Variants in SIL1 observed in about 807,000 individuals in gnomAD.
SIL1 encodes SIL1 nucleotide exchange factor.
In SIL1, 40 loss-of-function variants were observed where a neutral mutation model predicts 49.1. That is an observed-to-expected ratio of 0.81 (90% CI 0.63 to 1.06). The LOEUF (loss-of-function observed/expected upper bound fraction) is 1.06, where lower values mean the gene tolerates loss of function less well. Among genes scored for constraint, SIL1 ranks in the 50% least tolerant of loss-of-function variants. SIL1 has a pLI of 0.00. For missense variants in SIL1, 500 were observed against 572.6 expected, an observed-to-expected ratio of 0.87 and a Z score of 1.29; for synonymous variants, 253 against 250.8, an observed-to-expected ratio of 1.01 and a Z score of -0.08.
intron 3 of SIL1, among the ~76,000 whole-genome samples, chr5:139,052,275 T>C (rs1468077885): frequency 1.3e-5 from 2 of 152,252 alleles, no homozygotes; most frequent in Admixed American, 6.5e-5. Flanking sequence ...ATGCTGTTGC[T>C]GTTCCTGCCG....
chr5:139,121,161 G>C lies in SIL1; in HGVS notation c.118C>G (p.Leu40Val), dbSNP rs141419143. 6.2e-7 allele frequency: 1 copy of C among 1,614,096 alleles called. No individual in the cohort carries two copies. Among genetic ancestry groups the C allele is most frequent in the East Asian group, 2.2e-5 (1 of 44,868 alleles). The change falls in exon 3 of 10, where the codon CTG becomes GTG. Residue 40 changes from leucine (L) to valine (V), a missense_variant. Leu to Val is a conservative substitution (Grantham distance 32). Transcript: ENST00000394817. The part of the protein sequence containing the change: ...LSHQNLKEFA[L>V]TNPEKSSTKE... Reference sequence around the variant, plus strand: ...GTGCTGCTCTTCTCTGGGTTGGTCAGGGCAAACTCCTTCTGAGAAAAGAAA... The same window carrying C: ...GTGCTGCTCTTCTCTGGGTTGGTCACGGCAAACTCCTTCTGAGAAAAGAAA...
chr5:139,011,954 G>T (rs1344401753), intron 7 of SIL1, among the ~76,000 whole-genome samples: 1 of 152,124 alleles, frequency 6.6e-6, no homozygotes, highest in Non-Finnish European at 1.5e-5. Context: ...TCAAAATTAT[G>T]AAGTCATAGC....
intron 1 of SIL1, among the ~76,000 whole-genome samples, chr5:139,196,891 A>G (rs989469384): frequency 1.3e-5 from 2 of 152,158 alleles, no homozygotes; most frequent in African/African-American, 4.8e-5. Flanking sequence ...CTATACTTTT[A>G]TCAGAAAAGA....
At chr5:139,128,124 T>C (rs1053151056) in intron 1 of SIL1, 1 of 445,018 alleles carries the variant, frequency 2.2e-6, no homozygotes, top group Admixed American at 2.7e-5. Flanking sequence ...CCTTCTTCAT[T>C]AGAACTTGTT....
At chr5:138,987,933 T>G (rs1767679823) in intron 7 of SIL1, among the ~76,000 whole-genome samples, 1 of 151,814 alleles carries the variant, frequency 6.6e-6, no homozygotes, top group African/African-American at 2.4e-5. Flanking sequence ...ATCTCCCGGG[T>G]TCAAGCAATT....
intron 3 of SIL1, among the ~76,000 whole-genome samples, chr5:139,051,939 G>T (rs1769297484): frequency 6.6e-6 from 1 of 152,204 alleles, no homozygotes; most frequent in Non-Finnish European, 1.5e-5. Flanking sequence ...TCAGGGAAAA[G>T]GTTTTTCAGG....
chr5:139,195,058 G>A (rs1006801986), intron 1 of SIL1, among the ~76,000 whole-genome samples: 4 of 151,196 alleles, frequency 2.6e-5, no homozygotes, highest in South Asian at 2.1e-4. Context: ...TCAGCCTCCC[G>A]AGTAGCTGGG....
chr5:139,150,535 G>A lies in SIL1; in HGVS notation c.-10-22682C>T, dbSNP rs137876002. The stretch of plus-strand genomic sequence containing the variant: ...CACTTCTCAGGTAGGAGCAACCGTC[G>A]CAAGCTGTCAATCAAGCCAGACCCA... On this transcript the variant is annotated intron_variant, in intron 1 of 9. Coordinates refer to ENST00000394817, the MANE Select transcript of SIL1 (RefSeq NM_022464.5). Among the ~76,000 whole-genome samples, 17 of 152,070 alleles carry A rather than the reference G, an allele frequency of 1.1e-4. No individual in the cohort carries two copies. The East Asian group carries it at 1.2e-3, about 10-fold the overall frequency.
chr5:139,169,861 C>CCTCTTTCCACGGTCTCCCTCTG (rs1554137116), intron 1 of SIL1, among the ~76,000 whole-genome samples: 26 of 149,880 alleles, frequency 1.7e-4, no homozygotes, highest in South Asian at 8.6e-4. Flanking sequence ...GTCTCCCTCT[C>CCTCTTTCCACGGTCTCCCTCTG]CCTCTTTCCA....
chr5:139,114,794 C>G (rs1375295224), intron 3 of SIL1, among the ~76,000 whole-genome samples: 1 of 152,172 alleles, frequency 6.6e-6, no homozygotes, highest in Non-Finnish European at 1.5e-5. Context: ...GAAGACAGAC[C>G]ACCCCAACAG....
intron 1 of SIL1, among the ~76,000 whole-genome samples, chr5:139,183,304 A>G (rs1561893914): frequency 6.6e-6 from 1 of 152,212 alleles, no homozygotes; most frequent in East Asian, 1.9e-4. Flanking sequence ...TGAAGGCTTT[A>G]AATTCTGATT....
chr5:139,040,147 A>G (rs1253821554), intron 5 of SIL1, among the ~76,000 whole-genome samples: 1 of 152,232 alleles, frequency 6.6e-6, no homozygotes, highest in East Asian at 1.9e-4. Flanking sequence ...TTAATAAACA[A>G]AAATAGGATG....
chr5:138,973,777 A>C (rs1053835162), intron 7 of SIL1, among the ~76,000 whole-genome samples: 1 of 152,024 alleles, frequency 6.6e-6, no homozygotes, highest in Non-Finnish European at 1.5e-5. Context: ...GTAGAGACTA[A>C]GTCCCACTAT....
At chr5:139,081,823 G>A (rs1034132547) in intron 3 of SIL1, among the ~76,000 whole-genome samples, 1 of 151,892 alleles carries the variant, frequency 6.6e-6, no homozygotes, top group African/African-American at 2.4e-5. Flanking sequence ...AGGTTGCAGT[G>A]AGCTGAGATC....
intron 1 of SIL1, among the ~76,000 whole-genome samples, chr5:139,138,584 T>C (rs1751022465): frequency 1.3e-5 from 2 of 152,204 alleles, no homozygotes; most frequent in South Asian, 4.1e-4. Flanking sequence ...TCTCCCCTAC[T>C]AGCTGTGTGA....
At chr5:139,021,095 C>T (rs955463763) in intron 7 of SIL1, 76 bp downstream of exon 7, 4 of 1,592,942 alleles carry the variant, frequency 2.5e-6, no homozygotes, top group Admixed American at 1.7e-5. Flanking sequence ...GCAACAGGCA[C>T]ATTCAAGTGT....
intron 9 of SIL1, among the ~76,000 whole-genome samples, chr5:138,950,359 G>A (rs948132468): frequency 2.0e-5 from 3 of 152,252 alleles, no homozygotes; most frequent in Non-Finnish European, 4.4e-5. Flanking sequence ...GGCAAAGACA[G>A]AGAGTTGGGG....
chr5:139,145,997 T>C (rs866775806), intron 1 of SIL1, among the ~76,000 whole-genome samples: 2 of 152,018 alleles, frequency 1.3e-5, no homozygotes, highest in African/African-American at 2.4e-5. Flanking sequence ...TGTATGTATA[T>C]GTATATGAGA....
chr5:139,105,690 C>T (rs560806297), intron 3 of SIL1, among the ~76,000 whole-genome samples: 1 of 152,330 alleles, frequency 6.6e-6, no homozygotes, highest in South Asian at 2.1e-4. Flanking sequence ...GGCTGTGAGC[C>T]GCGACACTGG....
Sources: allele counts gnomAD v4.1 joint callset (sites outside exome capture counted in the v4.1 genomes callset), GRCh38; gene constraint gnomAD v4.1.1; transcripts MANE v1.5; gene names NCBI Gene and HGNC (gene_info 2026-07-23, HGNC 2026-07-21).